Variants in NF1 observed in about 807,000 individuals in gnomAD.
NF1 encodes neurofibromin.
Under a neutral mutation model 325.7 loss-of-function variants are expected in NF1, and 122 were observed. That is an observed-to-expected ratio of 0.37 (90% CI 0.32 to 0.44). The LOEUF (loss-of-function observed/expected upper bound fraction) is 0.44. NF1 is among the 20% of genes least tolerant of loss of function. The pLI is 1.00. For missense variants in NF1, 2,140 were observed against 3,415.4 expected, an observed-to-expected ratio of 0.63 and a Z score of 9.31; for synonymous variants, 1,091 against 1,186.0, an observed-to-expected ratio of 0.92 and a Z score of 1.65.
intron 36 of NF1, among the ~76,000 whole-genome samples, chr17:31,323,649 C>T: frequency 6.6e-6 from 1 of 152,188 alleles, no homozygotes; most frequent in East Asian, 1.9e-4. Flanking sequence ...AACTTCTCTA[C>T]CTGAATCCTC....
At chr17:31,296,202 T>C (rs2068461020) in intron 36 of NF1, 1 of 1,614,050 alleles carries the variant, frequency 6.2e-7, no homozygotes, top group African/African-American at 1.3e-5. Context: ...GACAAGTTTC[T>C]GCCTGAACAG....
At chr17:31,372,500 T>C (rs1339966403) in intron 57 of NF1, among the ~76,000 whole-genome samples, 1 of 152,144 alleles carries the variant, frequency 6.6e-6, no homozygotes, top group Admixed American at 6.5e-5. Context: ...TAGTGAACTT[T>C]TAAAATGTAA....
intron 50 of NF1, among the ~76,000 whole-genome samples, chr17:31,351,313 T>C (rs2070136739): frequency 6.6e-6 from 1 of 152,196 alleles, no homozygotes; most frequent in African/African-American, 2.4e-5. Flanking sequence ...ACGAGTAGAT[T>C]TTAAGTATTC....
chr17:31,260,686 A>T (rs1257470605), intron 34 of NF1, among the ~76,000 whole-genome samples, 171 bp downstream of exon 34: 1 of 152,246 alleles, frequency 6.6e-6, no homozygotes, highest in African/African-American at 2.4e-5. Flanking sequence ...AGGTTAAGTC[A>T]TATTAAATAA....
At chr17:31,358,832 C>T (rs2070335283) in intron 55 of NF1, 137 bp from the exon 56 acceptor site, 3 of 1,049,022 alleles carry the variant, frequency 2.9e-6, no homozygotes, top group Non-Finnish European at 2.9e-6. Flanking sequence ...GTTTTAGTTG[C>T]TTTGACACTC....
chr17:31,165,764 A>C (rs1439068176), intron 4 of NF1, among the ~76,000 whole-genome samples: 1 of 152,142 alleles, frequency 6.6e-6, no homozygotes, highest in Non-Finnish European at 1.5e-5. Flanking sequence ...AACATGTCTC[A>C]CTGCAGCCTC....
At chr17:31,293,259 A>G (rs1023752750) in intron 36 of NF1, among the ~76,000 whole-genome samples, 1 of 149,384 alleles carries the variant, frequency 6.7e-6, no homozygotes, top group African/African-American at 2.4e-5. Context: ...TTTAAATAAG[A>G]CACAAGTATG....
At chr17:31,223,362 G>C (rs2144013872) in intron 15 of NF1, 82 bp from the exon 16 acceptor site, 1 of 1,512,918 alleles carries the variant, frequency 6.6e-7, no homozygotes, top group Non-Finnish European at 9.1e-7. Context: ...ATTCATTATG[G>C]GAGAATGCCA....
intron 36 of NF1, among the ~76,000 whole-genome samples, chr17:31,280,036 G>C (rs181034270): frequency 1.3e-5 from 2 of 152,090 alleles, no homozygotes; most frequent in Non-Finnish European, 2.9e-5. Flanking sequence ...CATCTGATTA[G>C]TCATTAAGTC....
intron 1 of NF1, among the ~76,000 whole-genome samples, chr17:31,124,521 T>G (rs936722710): frequency 6.6e-6 from 1 of 151,148 alleles, no homozygotes; most frequent in African/African-American, 2.4e-5. Flanking sequence ...TTTCAGGGTT[T>G]TTTTTTTTTT....
intron 4 of NF1, among the ~76,000 whole-genome samples, chr17:31,168,498 C>T (rs370756261): frequency 1.3e-5 from 2 of 152,054 alleles, no homozygotes; most frequent in African/African-American, 4.8e-5. Context: ...TGATATTTCT[C>T]CTGAGCCTCT....
At chr17:31,124,689 T>TTC (rs1914724000) in intron 1 of NF1, among the ~76,000 whole-genome samples, 1 of 138,238 alleles carries the variant, frequency 7.2e-6, no homozygotes, top group African/African-American at 2.6e-5. Context: ...AAGCTCCGCC[T>TTC]CCCAGGTTTA....
chr17:31,299,502 T>C (rs2068532058), intron 36 of NF1: 1 of 152,062 alleles, frequency 6.6e-6, no homozygotes, highest in Non-Finnish European at 1.5e-5. Context: ...TATTCTTTTG[T>C]GTCCTAGGAT....
chr17:31,200,391 ATTATC>A lies in NF1; in HGVS notation c.889-25_889-21del, dbSNP rs17881173. ...ATCTGGAATAGAAGAAACTTCATATATTATCTTATCGCTATATTTGAATTCTGTAG... is the reference window on the plus strand; with the variant it reads ...ATCTGGAATAGAAGAAACTTCATATATTATCGCTATATTTGAATTCTGTAG... On this transcript the variant is annotated intron_variant, in intron 8 of 57. Transcript: ENST00000358273. 389 of 1,609,282 alleles carry A rather than the reference ATTATC, an allele frequency of 2.4e-4. 1 individual carries two copies. The African/African-American group carries it at 3.9e-3, about 16-fold the overall frequency.
At chr17:31,270,096 T>TA (rs1196852800) in intron 36 of NF1, among the ~76,000 whole-genome samples, 1 of 152,226 alleles carries the variant, frequency 6.6e-6, no homozygotes, top group African/African-American at 2.4e-5. Context: ...CTCTGACACT[T>TA]ACCTTACAAG....
At chr17:31,320,577 C>T in intron 36 of NF1, 1 of 639,708 alleles carries the variant, frequency 1.6e-6, no homozygotes, top group South Asian at 2.2e-5. Context: ...ACAAAAGTAG[C>T]ATGTAATAAA....
intron 4 of NF1, among the ~76,000 whole-genome samples, 165 bp downstream of exon 4, chr17:31,163,541 C>T (rs922740549): frequency 2.0e-5 from 3 of 152,152 alleles, no homozygotes; most frequent in Non-Finnish European, 4.4e-5. Flanking sequence ...CTTAGGTGAT[C>T]CTCCTACCTC....
At chr17:31,279,937 C>T (rs1206290303) in intron 36 of NF1, among the ~76,000 whole-genome samples, 1 of 152,048 alleles carries the variant, frequency 6.6e-6, no homozygotes, top group African/African-American at 2.4e-5. Context: ...TAAAAAGATG[C>T]TCTCCTTTCT....
intron 11 of NF1, among the ~76,000 whole-genome samples, chr17:31,205,083 G>A (rs1016169357): frequency 1.3e-5 from 2 of 152,120 alleles, no homozygotes; most frequent in Non-Finnish European, 2.9e-5. Flanking sequence ...TATTCAAAAT[G>A]TGTATCATAA....
Sources: allele counts gnomAD v4.1 joint callset (sites outside exome capture counted in the v4.1 genomes callset), GRCh38; gene constraint gnomAD v4.1.1; transcripts MANE v1.5; gene names NCBI Gene and HGNC (gene_info 2026-07-23, HGNC 2026-07-21).